IL18RAP: variants seen among roughly 807,000 people sequenced by gnomAD.
The protein encoded by IL18RAP is interleukin 18 receptor accessory protein, also known as interleukin-18 receptor accessory protein.
In IL18RAP, 37 loss-of-function variants were observed where a neutral mutation model predicts 58.1. The ratio of observed to expected loss-of-function variants is 0.64; its 90% CI spans 0.49 to 0.84. The LOEUF (loss-of-function observed/expected upper bound fraction) is 0.84. IL18RAP is among the 40% of genes least tolerant of loss of function. The pLI is 0.00. For missense variants in IL18RAP, 667 were observed against 704.8 expected (o/e 0.95, Z 0.61); for synonymous variants, 268 against 257.5 (o/e 1.04, Z -0.39).
chr2:102,447,117 G>T lies in IL18RAP; in HGVS notation c.1120G>T (p.Val374Leu), dbSNP rs1030737699. The T allele has an allele frequency of 6.2e-7, 1 of 1,614,110 alleles. No homozygotes were observed. Among genetic ancestry groups the T allele is most frequent in the Non-Finnish European group, 8.5e-7 (1 of 1,180,010 alleles). The change falls in exon 8 of 10, where the codon GTG becomes TTG. Residue 374 changes from valine (V) to leucine (L), a missense_variant. Coordinates refer to ENST00000687160, the MANE Select transcript of IL18RAP (RefSeq NM_001393487.1). ...TGGCACCATCGGGACCCTGGTGGCC[G>T]TGCTGGCGGCGAGTGCCCTCCTCTA... ...LLGTIGTLVA[V>L]LAASALLYRH... is the part of the protein sequence containing the mutation.
chr2:102,443,057 G>A (rs907155097), intron 5 of IL18RAP, 143 bp from the exon 6 acceptor site: 21 of 720,120 alleles, frequency 2.9e-5, no homozygotes, highest in African/African-American at 5.3e-5. Context: ...CTGTGTAGAC[G>A]TTTCATTATT....
At chr2:102,450,499 G>C (rs886987436) in intron 8 of IL18RAP, among the ~76,000 whole-genome samples, 1 of 152,088 alleles carries the variant, frequency 6.6e-6, no homozygotes, top group African/African-American at 2.4e-5. Context: ...TGTTGGATGG[G>C]GCAGACTCCT....
chr2:102,433,242 A>G (rs1365498177), intron 3 of IL18RAP, among the ~76,000 whole-genome samples: 1 of 152,100 alleles, frequency 6.6e-6, no homozygotes, highest in Non-Finnish European at 1.5e-5. Flanking sequence ...TTTGTTTTAG[A>G]GATAGGATCT....
intron 3 of IL18RAP, among the ~76,000 whole-genome samples, chr2:102,424,867 T>A (rs1040861482): frequency 1.3e-5 from 2 of 152,196 alleles, no homozygotes; most frequent in Admixed American, 1.3e-4. Context: ...TTAGGACGAA[T>A]CCAAGGTGGG....
At chr2:102,427,389 A>AT (rs1558635659) in intron 3 of IL18RAP, among the ~76,000 whole-genome samples, 1 of 151,902 alleles carries the variant, frequency 6.6e-6, no homozygotes, top group Non-Finnish European at 1.5e-5. Flanking sequence ...CAACAGATTA[A>AT]TTTTTTTGAT....
intron 7 of IL18RAP, 44 bp downstream of exon 7, chr2:102,445,384 T>G: frequency 6.3e-7 from 1 of 1,585,860 alleles, no homozygotes; most frequent in Non-Finnish European, 8.6e-7. Context: ...CTGCTTTCAC[T>G]TGAGAGGGGA....
In IL18RAP at chr2:102,424,149, A is replaced by G. The variant is rs1445980631; in HGVS notation, c.395+14A>G. On this transcript the variant is annotated intron_variant, in intron 2 of 9. Transcript: ENST00000687160. ...CAAGATGATTAAGTATGATCCAAAT[A>G]CATTTCTATCTGAAAACATTTCCAA... 2 of 1,607,366 alleles carry G rather than the reference A, an allele frequency of 1.2e-6. No homozygotes were observed. Among genetic ancestry groups the G allele is most frequent in the Non-Finnish European group, 1.7e-6 (2 of 1,175,588 alleles).
chr2:102,418,929 C>G (rs1027499479), upstream of IL18RAP: 1 of 152,012 alleles, frequency 6.6e-6, no homozygotes, highest in Admixed American at 6.6e-5. Flanking sequence ...GTCTTAAGAG[C>G]AGGAAATAAA....
chr2:102,419,458 C>G (rs1681437296), upstream of IL18RAP: 1 of 152,338 alleles, frequency 6.6e-6, no homozygotes, highest in African/African-American at 2.4e-5. Context: ...CTCCCTGGGT[C>G]TCAGATCCCT....
At chr2:102,448,839 T>C (rs905924076) in intron 8 of IL18RAP, among the ~76,000 whole-genome samples, 9 of 151,848 alleles carry the variant, frequency 5.9e-5, no homozygotes, top group Admixed American at 2.0e-4. Flanking sequence ...TACCCACCTG[T>C]AGTTCCAGCT....
chr2:102,446,622 G>A (rs1398377471), intron 7 of IL18RAP, among the ~76,000 whole-genome samples: 1 of 151,852 alleles, frequency 6.6e-6, no homozygotes, highest in Non-Finnish European at 1.5e-5. Flanking sequence ...ACAAGGTGAA[G>A]CCCCGTCTCC....
chr2:102,423,425 C>A, intron 1 of IL18RAP, 78 bp downstream of exon 1: 3 of 1,152,296 alleles, frequency 2.6e-6, no homozygotes, highest in Non-Finnish European at 2.6e-6. Flanking sequence ...GATATATCAG[C>A]AGTGTGATAT....
At chr2:102,444,531 C>T (rs1683299050) in intron 6 of IL18RAP, among the ~76,000 whole-genome samples, 1 of 152,192 alleles carries the variant, frequency 6.6e-6, no homozygotes, top group Admixed American at 6.5e-5. Flanking sequence ...GAGCTGGCAT[C>T]GTGGTCTCAG....
intron 3 of IL18RAP, among the ~76,000 whole-genome samples, chr2:102,432,677 T>G (rs1167564102): frequency 6.6e-6 from 1 of 152,124 alleles, no homozygotes; most frequent in Non-Finnish European, 1.5e-5. Flanking sequence ...TGGACCTGGG[T>G]GGGGCCAGCT....
upstream of IL18RAP, chr2:102,419,654 T>G (rs1681449563): frequency 6.6e-6 from 1 of 152,364 alleles, no homozygotes; most frequent in South Asian, 2.1e-4. Context: ...TCTGGAAAAT[T>G]GATAAAGAAG....
In IL18RAP at chr2:102,452,137, A is replaced by G; in HGVS notation, c.1756A>G (p.Arg586Gly). The G allele has an allele frequency of 1.2e-6, 2 of 1,613,384 alleles. No homozygotes were observed. The highest frequency in any genetic ancestry group is 1.7e-6 in the Non-Finnish European group (2 of 1,179,718). ...SRIFQWKGLS[R>G]TETTGRSSQP... The stretch of plus-strand genomic sequence containing the variant: ...GATTTTTCAGTGGAAAGGACTCAGT[A>G]GAACAGAAACCACTGGGAGGAGCTC... Residue 586 changes from arginine (R) to glycine (G), a missense_variant, in exon 10 of 10, where the codon AGA becomes GGA. Arg to Gly is a moderately radical substitution (Grantham distance 125, BLOSUM62 -2). Transcript: ENST00000687160.
At chr2:102,437,130 T>G in intron 3 of IL18RAP, 82 bp from the exon 4 acceptor site, 1 of 1,339,836 alleles carries the variant, frequency 7.5e-7, no homozygotes, top group Non-Finnish European at 1.0e-6. Context: ...CCTGTTCAAA[T>G]TTGTAAGATT....
chr2:102,441,270 G>C, intron 4 of IL18RAP, 42 bp from the exon 5 acceptor site: 1 of 1,529,846 alleles, frequency 6.5e-7, no homozygotes, highest in Non-Finnish European at 9.0e-7. Context: ...CAGGCCTTCA[G>C]ACTTTCCAAT....
At position 102,452,053 on chromosome 2, in the gene IL18RAP, C is replaced by A. The variant is rs149244380; in HGVS notation, c.1672C>A (p.His558Asn). 1.2e-6 allele frequency: 2 copies of A among 1,613,996 alleles called. No homozygotes were observed. Among genetic ancestry groups the A allele is most frequent in the African/African-American group, 2.7e-5 (2 of 74,906 alleles). The change falls in exon 10 of 10, where the codon CAC becomes AAC. Residue 558 changes from histidine to asparagine, a missense_variant. Physicochemically the swap from His to Asn is moderately conservative, Grantham distance 68. Coordinates refer to ENST00000687160, the MANE Select transcript of IL18RAP (RefSeq NM_001393487.1). ...NSRFWAKMRY[H>N]MPVKNSQGFT... ...TAGGTTCTGGGCCAAAATGCGCTAC[C>A]ACATGCCTGTGAAAAACTCTCAGGG...
Sources: gnomAD v4.1 joint callset for allele counts (sites outside exome capture counted in the v4.1 genomes callset) on GRCh38, gnomAD v4.1.1 for gene constraint, MANE v1.5 for transcripts, NCBI Gene and HGNC (gene_info 2026-07-23, HGNC 2026-07-21) for gene names.